Variants in PPP6R3 observed in about 807,000 individuals in gnomAD.
PPP6R3 encodes protein phosphatase 6 regulatory subunit 3, also known as serine/threonine-protein phosphatase 6 regulatory subunit 3.
PPP6R3 carries 38 observed loss-of-function variants against 110.7 expected under a neutral mutation model. The observed-to-expected ratio is 0.34, with a 90% CI of 0.26 to 0.45. PPP6R3 has a LOEUF of 0.45. PPP6R3 is among the 20% of genes least tolerant of loss of function. The pLI, the probability that PPP6R3 is intolerant of heterozygous loss-of-function variation, is 1.00. For synonymous variants in PPP6R3, 369 were observed against 373.5 expected, an observed-to-expected ratio of 0.99 and a Z score of 0.14; for missense variants, 870 against 1,062.4, an observed-to-expected ratio of 0.82 and a Z score of 2.52.
At chr11:68,461,241 C>T (rs1288828478) in intron 1 of PPP6R3, among the ~76,000 whole-genome samples, 2 of 151,784 alleles carry the variant, frequency 1.3e-5, no homozygotes, top group Non-Finnish European at 2.9e-5. Flanking sequence ...TCCCGCTGGG[C>T]CTCCCGGGGG....
chr11:68,489,134 T>G (rs1591894812), intron 1 of PPP6R3, among the ~76,000 whole-genome samples: 1 of 151,620 alleles, frequency 6.6e-6, no homozygotes, highest in East Asian at 1.9e-4. Flanking sequence ...TTCTCCTGCC[T>G]CAGACTCCAG....
chr11:68,599,998 A>G (rs1433990756), intron 19 of PPP6R3, among the ~76,000 whole-genome samples: 2 of 152,174 alleles, frequency 1.3e-5, no homozygotes, highest in Non-Finnish European at 1.5e-5. Context: ...GGCGGGTGCC[A>G]GTAATCCCAG....
At chr11:68,590,793 G>A (rs1454930772) in intron 17 of PPP6R3, 79 bp downstream of exon 17, 3 of 1,408,264 alleles carry the variant, frequency 2.1e-6, no homozygotes, top group Non-Finnish European at 2.8e-6. Flanking sequence ...GATGCCACAT[G>A]CTGGGACCCC....
chr11:68,565,749 C>G (rs1412410853), intron 9 of PPP6R3, among the ~76,000 whole-genome samples: 1 of 148,316 alleles, frequency 6.7e-6, no homozygotes, highest in Non-Finnish European at 1.5e-5. Flanking sequence ...TGAGTGAGTT[C>G]CGTTTGCACC....
intron 11 of PPP6R3, 130 bp downstream of exon 11, chr11:68,570,027 G>GT: frequency 1.2e-6 from 1 of 829,810 alleles, no homozygotes; most frequent in South Asian, 2.8e-5. Flanking sequence ...TGACAATCAT[G>GT]TGTTCGTTTC....
chr11:68,614,428 G>A lies in PPP6R3; in HGVS notation c.*1311G>A, dbSNP rs1944802042. The A allele has an allele frequency of 1.5e-6, 2 of 1,324,844 alleles. No homozygotes were observed. The highest frequency in any genetic ancestry group is 9.6e-7 in the Non-Finnish European group (1 of 1,041,056). The allele number at this position is 1,324,844 out of a possible 1,614,324, so 82.1% of individuals were successfully genotyped here. On this transcript the variant is annotated 3_prime_UTR_variant, in exon 24 of 24. Coordinates refer to ENST00000393800, the MANE Select transcript of PPP6R3 (RefSeq NM_001164161.2). ...AGATGCAAATCAGTTTTTCATTTCT[G>A]TAATAGAAAATTATTCACGTATTTT... is the stretch of plus-strand genomic sequence containing the variant.
chr11:68,523,713 C>G (rs1319681348), intron 2 of PPP6R3, among the ~76,000 whole-genome samples: 3 of 134,248 alleles, frequency 2.2e-5, no homozygotes, highest in Non-Finnish European at 3.1e-5. Context: ...CCCTGCCCCC[C>G]CCCCCCCCTT....
At chr11:68,539,068 G>A (rs2099292182) in intron 3 of PPP6R3, among the ~76,000 whole-genome samples, 3 of 152,320 alleles carry the variant, frequency 2.0e-5, no homozygotes, top group South Asian at 2.1e-4. Context: ...AGACCTACTA[G>A]TGTGCTGTCA....
In PPP6R3 at chr11:68,564,309, A is replaced by G. The variant is rs1395908382; in HGVS notation, c.852A>G (p.Glu284=). 1 of 1,602,238 alleles carries G rather than the reference A, an allele frequency of 6.2e-7. No homozygotes were observed. Among genetic ancestry groups the G allele is most frequent in the East Asian group, 2.2e-5 (1 of 44,690 alleles). ...TTCCTTGCTTTGTTTCAAGATTTGA[A>G]GGCCATATAGAGATCTGCCCACCAG... ...TLLETRRPTF[E]GHIEICPPGM... The change falls in exon 9 of 24, where the codon GAA becomes GAG. Residue 284 remains glutamate, a synonymous_variant. Coordinates refer to ENST00000393800, the MANE Select transcript of PPP6R3 (RefSeq NM_001164161.2).
chr11:68,541,105 T>C (rs940400843), intron 3 of PPP6R3, among the ~76,000 whole-genome samples: 5 of 152,232 alleles, frequency 3.3e-5, no homozygotes, highest in Non-Finnish European at 5.9e-5. Context: ...TATTTAGAGA[T>C]TGCAGTAAAG....
chr11:68,514,168 G>C (rs2099124282), intron 1 of PPP6R3, among the ~76,000 whole-genome samples: 1 of 152,058 alleles, frequency 6.6e-6, no homozygotes, highest in Non-Finnish European at 1.5e-5. Context: ...GGCCTTAAGT[G>C]ACCCTCCTGC....
chr11:68,611,842 C>T (rs1943590558), intron 23 of PPP6R3, among the ~76,000 whole-genome samples: 1 of 152,142 alleles, frequency 6.6e-6, no homozygotes, highest in Non-Finnish European at 1.5e-5. Flanking sequence ...TGAAGCTCAC[C>T]CGTCTTTCCT....
intron 1 of PPP6R3, among the ~76,000 whole-genome samples, chr11:68,514,763 T>G (rs1183851671): frequency 6.6e-6 from 1 of 152,096 alleles, no homozygotes; most frequent in Non-Finnish European, 1.5e-5. Flanking sequence ...TTTTGTATTT[T>G]TAGTAGAGAC....
intron 6 of PPP6R3, among the ~76,000 whole-genome samples, chr11:68,552,358 T>G (rs2099384662): frequency 6.6e-6 from 1 of 152,196 alleles, no homozygotes; most frequent in South Asian, 2.1e-4. Flanking sequence ...AGAAATACAT[T>G]TTCTGTGATA....
chr11:68,603,666 T>G, intron 22 of PPP6R3, 174 bp downstream of exon 22: 1 of 808,202 alleles, frequency 1.2e-6, no homozygotes, highest in Non-Finnish European at 1.9e-6. Flanking sequence ...ATGGAGAGTT[T>G]AGGCCCCTAA....
At chr11:68,591,835 C>A in intron 18 of PPP6R3, 129 bp downstream of exon 18, 3 of 1,131,356 alleles carry the variant, frequency 2.7e-6, no homozygotes, top group Non-Finnish European at 3.6e-6. Flanking sequence ...TTTGTCATGG[C>A]CAGAAATGCC....
intron 17 of PPP6R3, 99 bp downstream of exon 17, chr11:68,590,813 G>C (rs11228289): frequency 3.0e-6 from 4 of 1,333,410 alleles, no homozygotes; most frequent in Admixed American, 2.5e-5. Flanking sequence ...CTGTGCTCTA[G>C]AGCCCTAATC....
intron 16 of PPP6R3, among the ~76,000 whole-genome samples, chr11:68,589,220 TAAC>T (rs1302973751): frequency 6.6e-6 from 1 of 151,834 alleles, no homozygotes; most frequent in Non-Finnish European, 1.5e-5. Flanking sequence ...ATAATAACAA[TAAC>T]AATAATAATA....
intron 1 of PPP6R3, among the ~76,000 whole-genome samples, chr11:68,485,290 T>TTTC (rs1565338858): frequency 2.1e-5 from 3 of 145,658 alleles, no homozygotes; most frequent in South Asian, 2.1e-4. Flanking sequence ...TTTTTTTTTT[T>TTTC]TTCAATTCCT....
Sources: gnomAD v4.1 joint callset for allele counts (sites outside exome capture counted in the v4.1 genomes callset) on GRCh38, gnomAD v4.1.1 for gene constraint, MANE v1.5 for transcripts, NCBI Gene and HGNC (gene_info 2026-07-23, HGNC 2026-07-21) for gene names.